The following NWD2 variants were observed in gnomAD, a reference collection of about 807,000 sequenced individuals.
NWD2 encodes the protein NACHT and WD repeat domain-containing protein 2.
A neutral mutation model predicts 132.7 loss-of-function variants in NWD2; 37 were observed. That is an observed-to-expected ratio of 0.28 (90% CI 0.21 to 0.37). The LOEUF (loss-of-function observed/expected upper bound fraction) is 0.37, where lower values mean the gene tolerates loss of function less well. Ranked by LOEUF, NWD2 falls within the 10% of genes least tolerant of loss-of-function variation. The pLI is 1.00. For synonymous variants in NWD2, 705 were observed against 803.0 expected, an observed-to-expected ratio of 0.88 and a Z score of 2.06; for missense variants, 1,592 against 2,122.4, an observed-to-expected ratio of 0.75 and a Z score of 4.91.
At chr4:37,326,571 A>G (rs1378548010) in intron 2 of NWD2, among the ~76,000 whole-genome samples, 1 of 152,210 alleles carries the variant, frequency 6.6e-6, no homozygotes, top group Non-Finnish European at 1.5e-5. Flanking sequence ...GCTAAAGTTC[A>G]TGAACATCCT....
intron 1 of NWD2, among the ~76,000 whole-genome samples, chr4:37,322,942 A>G (rs1719098234): frequency 6.6e-6 from 1 of 152,272 alleles, no homozygotes. Context: ...TCCATCGGTC[A>G]TTGCAAAGGT....
intron 2 of NWD2, among the ~76,000 whole-genome samples, chr4:37,329,370 A>G (rs2109289318): frequency 6.6e-6 from 1 of 152,296 alleles, no homozygotes; most frequent in Middle Eastern, 3.4e-3. Context: ...CTTCGGTTTT[A>G]AAAATCACAG....
At chr4:37,287,284 G>A (rs1718254384) in intron 1 of NWD2, among the ~76,000 whole-genome samples, 1 of 152,214 alleles carries the variant, frequency 6.6e-6, no homozygotes, top group Non-Finnish European at 1.5e-5. Flanking sequence ...CCCAGGGAAA[G>A]GGGCAACCAG....
Position 37,261,179 on chromosome 4 carries a change from A to T in NWD2, c.151+15961A>T, listed in dbSNP as rs545933535. ...TAGTAGCTCCATTTTCTCCTTATCT[A>T]GGAGATGCTGAGGACTCAGCTAGTG... On this transcript the variant is annotated intron_variant, in intron 1 of 6. Transcript: ENST00000309447. 8.4e-4 allele frequency among the ~76,000 whole-genome samples: 128 copies of T among 152,278 alleles called. 1 individual carries two copies. The South Asian group carries it at 0.013, about 15-fold the overall frequency.
chr4:37,391,596 AAG>A (rs1293593019), intron 3 of NWD2, among the ~76,000 whole-genome samples: 3 of 152,338 alleles, frequency 2.0e-5, no homozygotes, highest in East Asian at 3.9e-4. Context: ...TATGTGGGGA[AAG>A]AGAGAAATAT....
At chr4:37,415,644 C>CA (rs1409688709) in intron 3 of NWD2, among the ~76,000 whole-genome samples, 1 of 147,368 alleles carries the variant, frequency 6.8e-6, no homozygotes, top group Admixed American at 6.9e-5. Context: ...GTGGAGCTTG[C>CA]AGTGAGCCGA....
At position 37,403,251 on chromosome 4, in the gene NWD2, A is replaced by C. The variant is rs1720932026; in HGVS notation, c.358-27321A>C. 2.0e-5 allele frequency among the ~76,000 whole-genome samples: 3 copies of C among 152,244 alleles called. No individual in the cohort carries two copies. In the South Asian group the frequency reaches 6.2e-4, roughly 32 times the overall value. ...TCATTCTGGTAGTTTATAGTGGAAA[A>C]GAAAAGAAACATGATAAACAAGAAA... On this transcript the variant is annotated intron_variant, in intron 3 of 6. Coordinates refer to ENST00000309447, the MANE Select transcript of NWD2 (RefSeq NM_001144990.2).
At chr4:37,254,104 T>G (rs990445121) in intron 1 of NWD2, among the ~76,000 whole-genome samples, 3 of 152,226 alleles carry the variant, frequency 2.0e-5, no homozygotes, top group African/African-American at 7.2e-5. Flanking sequence ...ATGGGTAGTA[T>G]GCTTAATAGC....
chr4:37,412,463 T>C (rs1197742526), intron 3 of NWD2, among the ~76,000 whole-genome samples: 6 of 152,130 alleles, frequency 3.9e-5, no homozygotes, highest in African/African-American at 1.4e-4. Flanking sequence ...TACAAACCAC[T>C]GCTCAAGGAA....
chr4:37,404,985 G>A (rs1720967945), intron 3 of NWD2, among the ~76,000 whole-genome samples: 1 of 152,102 alleles, frequency 6.6e-6, no homozygotes, highest in African/African-American at 2.4e-5. Flanking sequence ...ACCAATACTG[G>A]GGATTACAAC....
chr4:37,420,579 A>T (rs888410476), intron 3 of NWD2, among the ~76,000 whole-genome samples: 2 of 152,250 alleles, frequency 1.3e-5, no homozygotes, highest in African/African-American at 4.8e-5. Context: ...GCTACTCAGG[A>T]GGCTGAGACA....
rs1712622829 is a variant in NWD2, at chr4:37,445,896, T to A, written c.3908T>A (p.Ile1303Lys). 1 of 1,551,768 alleles carries A rather than the reference T, an allele frequency of 6.4e-7. No homozygotes were observed. Among genetic ancestry groups the A allele is most frequent in the Non-Finnish European group, 8.7e-7 (1 of 1,147,020 alleles). Residue 1303 changes from isoleucine (I) to lysine (K), a missense_variant, in exon 7 of 7, where the codon ATA becomes AAA. Physicochemically the swap from Ile to Lys is moderately radical, Grantham distance 102. Around this residue, in one of 7 missense-constraint regions of NWD2, gnomAD observed 1,071 missense variants for 1,398.0 expected, o/e 0.77. Transcript: ENST00000309447. This position sits in a 1 kb window ranked among gnomAD's most constrained non-coding sequence, Gnocchi z 4.7. Reference protein sequence around the residue: ...STSGVLSIWDIDIITAMSNID... With the variant: ...STSGVLSIWDKDIITAMSNID... ...AGTGGTGTTCTTTCCATTTGGGACA[T>A]AGATATAATCACAGCTATGTCCAAC...
In NWD2 at chr4:37,430,578, T is replaced by C; in HGVS notation, c.364T>C (p.Leu122=). The C allele has an allele frequency of 6.4e-7, 1 of 1,551,108 alleles. No individual in the cohort carries two copies. The change falls in exon 4 of 7, where the codon TTA becomes CTA. Residue 122 remains leucine, a synonymous_variant. Coordinates refer to ENST00000309447, the MANE Select transcript of NWD2 (RefSeq NM_001144990.2). ...CTTTCTTGTTGATACACAGGGACTA[T>C]TAGGTGAAAAATATGGGAATATCCG... The part of the protein sequence containing the change: ...TSAGPCFVGL[L]GEKYGNIRIP...
chr4:37,406,383 TA>T (rs1231269114), intron 3 of NWD2, among the ~76,000 whole-genome samples: 3 of 152,060 alleles, frequency 2.0e-5, no homozygotes, highest in Non-Finnish European at 4.4e-5. Context: ...ATTCTTGCCT[TA>T]AAAAAAGGAT....
intron 1 of NWD2, among the ~76,000 whole-genome samples, chr4:37,295,576 T>C (rs763639593): frequency 1.3e-5 from 2 of 152,220 alleles, no homozygotes; most frequent in Non-Finnish European, 2.9e-5. Flanking sequence ...AATCATCATT[T>C]GTCTTATAGG....
At chr4:37,320,713 A>G (rs1452343689) in intron 1 of NWD2, among the ~76,000 whole-genome samples, 1 of 152,170 alleles carries the variant, frequency 6.6e-6, no homozygotes, top group Non-Finnish European at 1.5e-5. Context: ...GGCTGTCCAT[A>G]TGAATCATTA....
intron 1 of NWD2, among the ~76,000 whole-genome samples, chr4:37,301,082 GAC>G (rs1022258423): frequency 1.3e-5 from 2 of 151,784 alleles, no homozygotes; most frequent in African/African-American, 4.8e-5. Context: ...ACCTTTTTTT[GAC>G]ACATAATTTT....
chr4:37,318,770 G>T (rs972830605), intron 1 of NWD2, among the ~76,000 whole-genome samples: 3 of 151,910 alleles, frequency 2.0e-5, no homozygotes, highest in African/African-American at 7.3e-5. Context: ...TAGAATGATG[G>T]CATCCAGCTG....
intron 1 of NWD2, among the ~76,000 whole-genome samples, chr4:37,281,554 T>C (rs1718130766): frequency 6.6e-6 from 1 of 152,092 alleles, no homozygotes. Context: ...ATCTCTCCGC[T>C]TAAGTACTAT....
Sources: gnomAD v4.1 joint callset for allele counts (sites outside exome capture counted in the v4.1 genomes callset) on GRCh38, gnomAD v4.1.1 for gene constraint, gnomAD v4.1.1 regional missense constraint, Gnocchi (gnomAD v3.1) non-coding constraint, MANE v1.5 for transcripts, NCBI Gene and HGNC (gene_info 2026-07-23, HGNC 2026-07-21) for gene names.